Variants in INPP5A observed in about 807,000 individuals in gnomAD.
The protein encoded by INPP5A is 43 kDa inositol polyphosphate 5-phophatase.
In INPP5A, 14 loss-of-function variants were observed where a neutral mutation model predicts 65.2. The ratio of observed to expected loss-of-function variants is 0.21; its 90% CI spans 0.14 to 0.34. The LOEUF (loss-of-function observed/expected upper bound fraction) is 0.34, where lower values mean the gene tolerates loss of function less well. INPP5A is among the 10% of genes least tolerant of loss of function. The pLI, the probability that INPP5A is intolerant of heterozygous loss-of-function variation, is 1.00. For missense variants in INPP5A, 431 were observed against 545.6 expected (o/e 0.79, Z 2.09); for synonymous variants, 207 against 208.3 (o/e 0.99, Z 0.05).
chr10:132,741,805 C>T lies in INPP5A; in HGVS notation c.733-7712C>T, dbSNP rs988680408. 7.3e-5 allele frequency among the ~76,000 whole-genome samples: 9 copies of T among 123,896 alleles called. No homozygotes were observed. The South Asian group carries it at 2.2e-3, about 30-fold the overall frequency. The allele number at this position is 123,896 out of a possible 152,430, so 81.3% of individuals were successfully genotyped here. On this transcript the variant is annotated intron_variant, in intron 9 of 15. Transcript: ENST00000368594. This position sits in a 1 kb window ranked among gnomAD's most constrained non-coding sequence, Gnocchi z 4.4. ...TCCGCTTGCTTTACTCAATAGCCGA[C>T]GTAAACTGAGGTGGACGTTGGCGTC...
At chr10:132,715,982 G>A (rs186966593) in intron 8 of INPP5A, among the ~76,000 whole-genome samples, 14 of 152,370 alleles carry the variant, frequency 9.2e-5, no homozygotes, top group Admixed American at 4.6e-4. Context: ...CCTCTGTGTC[G>A]CCTTAGCCTC....
In INPP5A at chr10:132,674,635, TAATC is replaced by T. The variant is rs545701438; in HGVS notation, c.307-15754_307-15751del. 4.6e-5 allele frequency among the ~76,000 whole-genome samples: 7 copies of T among 152,308 alleles called. No individual in the cohort carries two copies. The South Asian group carries it at 1.4e-3, about 32-fold the overall frequency. ...GTAACTTACTTGTGCCTTCAGGACT[TAATC>T]AAGCCCAATCACATACATGCCACTT... is the stretch of plus-strand genomic sequence containing the variant. On this transcript the variant is annotated intron_variant, in intron 4 of 15. Coordinates refer to ENST00000368594, the MANE Select transcript of INPP5A (RefSeq NM_005539.5). This position sits in a 1 kb window ranked among gnomAD's most constrained non-coding sequence, Gnocchi z 4.4.
chr10:132,770,243 C>G (rs936939652), intron 12 of INPP5A, among the ~76,000 whole-genome samples: 1 of 152,250 alleles, frequency 6.6e-6, no homozygotes. Flanking sequence ...TACCCACCCC[C>G]AGGTCAGCCT....
At chr10:132,634,770 GA>G (rs1181051530) in intron 2 of INPP5A, among the ~76,000 whole-genome samples, 2 of 152,272 alleles carry the variant, frequency 1.3e-5, no homozygotes, top group Non-Finnish European at 2.9e-5. Flanking sequence ...TTGGTCCAAT[GA>G]ATGTTGCCGC....
At chr10:132,636,991 C>A (rs1391003486) in intron 2 of INPP5A, among the ~76,000 whole-genome samples, 1 of 152,208 alleles carries the variant, frequency 6.6e-6, no homozygotes, top group Admixed American at 6.5e-5. Flanking sequence ...AATCTCAGCT[C>A]ACTGAAACTT....
At chr10:132,755,729 C>G (rs1217446238) in intron 11 of INPP5A, among the ~76,000 whole-genome samples, 1 of 151,990 alleles carries the variant, frequency 6.6e-6, no homozygotes, top group Non-Finnish European at 1.5e-5. Flanking sequence ...TTTAGGCAGA[C>G]CCTAGCGGCA....
chr10:132,615,274 T>C (rs2072015853), intron 2 of INPP5A, among the ~76,000 whole-genome samples: 2 of 152,248 alleles, frequency 1.3e-5, no homozygotes, highest in African/African-American at 4.8e-5. Context: ...CTTCCCATAC[T>C]CCTTGCCTGT....
intron 2 of INPP5A, 43 bp downstream of exon 2, chr10:132,607,999 C>T: frequency 6.3e-7 from 1 of 1,581,656 alleles, no homozygotes; most frequent in South Asian, 1.1e-5. Context: ...CATTACTTAG[C>T]CAATAAGGTG....
intron 2 of INPP5A, among the ~76,000 whole-genome samples, chr10:132,643,545 G>A (rs1590889210): frequency 6.6e-6 from 1 of 152,184 alleles, no homozygotes; most frequent in South Asian, 2.1e-4. Flanking sequence ...ACCTATAAGT[G>A]TAATAAATAT....
At chr10:132,735,593 C>T (rs922606666) in intron 9 of INPP5A, among the ~76,000 whole-genome samples, 2 of 152,256 alleles carry the variant, frequency 1.3e-5, no homozygotes, top group Non-Finnish European at 2.9e-5. Flanking sequence ...TCCTTGCCCC[C>T]TCGGTCCTGG....
At chr10:132,586,532 C>T (rs368703807) in intron 1 of INPP5A, among the ~76,000 whole-genome samples, 11 of 152,186 alleles carry the variant, frequency 7.2e-5, no homozygotes, top group East Asian at 3.9e-4. Flanking sequence ...TCTGGTGCTG[C>T]GGAACATCTG....
chr10:132,608,084 T>G, intron 2 of INPP5A, 128 bp downstream of exon 2: 1 of 816,994 alleles, frequency 1.2e-6, no homozygotes, highest in Non-Finnish European at 2.1e-6. Context: ...TGGCTGGGTC[T>G]CTCGGCTCCG....
chr10:132,573,581 GGT>G (rs2071377952), intron 1 of INPP5A, among the ~76,000 whole-genome samples: 2 of 140,686 alleles, frequency 1.4e-5, no homozygotes, highest in Non-Finnish European at 3.0e-5. Flanking sequence ...GAGATGTTGG[GGT>G]GTGTGTGCCG....
intron 9 of INPP5A, among the ~76,000 whole-genome samples, chr10:132,734,249 G>A (rs1590967900): frequency 6.6e-6 from 1 of 152,324 alleles, no homozygotes; most frequent in Admixed American, 6.5e-5. Flanking sequence ...ACACCCGGCA[G>A]TGGCCACCGT....
chr10:132,558,729 A>G (rs2071161358), intron 1 of INPP5A, among the ~76,000 whole-genome samples: 1 of 152,228 alleles, frequency 6.6e-6, no homozygotes, highest in African/African-American at 2.4e-5. Context: ...CTGCCATCGC[A>G]TGCAGTTGAC....
intron 11 of INPP5A, among the ~76,000 whole-genome samples, chr10:132,750,082 C>G (rs1161625950): frequency 6.6e-6 from 1 of 152,222 alleles, no homozygotes; most frequent in African/African-American, 2.4e-5. Context: ...GCATGACACT[C>G]GACCCATCAG....
At chr10:132,620,091 C>A (rs916483480) in intron 2 of INPP5A, among the ~76,000 whole-genome samples, 4 of 152,216 alleles carry the variant, frequency 2.6e-5, no homozygotes, top group Non-Finnish European at 4.4e-5. Flanking sequence ...TGACCTGAAG[C>A]TGCACAGGAC....
chr10:132,573,485 T>C (rs2071376434), intron 1 of INPP5A, among the ~76,000 whole-genome samples: 1 of 116,944 alleles, frequency 8.6e-6, no homozygotes, highest in Non-Finnish European at 1.7e-5. Flanking sequence ...GTACGTGCCG[T>C]GTGAGGTTTT....
chr10:132,694,900 C>A (rs147941534), intron 5 of INPP5A, among the ~76,000 whole-genome samples: 269 of 152,140 alleles, frequency 1.8e-3, no homozygotes, highest in African/African-American at 5.5e-3. Context: ...AATTAATAAC[C>A]TGCTGAAAAA....
Sources: gnomAD v4.1 joint callset for allele counts (sites outside exome capture counted in the v4.1 genomes callset) on GRCh38, gnomAD v4.1.1 for gene constraint, Gnocchi (gnomAD v3.1) non-coding constraint, MANE v1.5 for transcripts, NCBI Gene and HGNC (gene_info 2026-07-23, HGNC 2026-07-21) for gene names.